Variants in PTTG1IP2 observed in about 807,000 individuals in gnomAD.
PTTG1IP2 encodes PTTG1IP family member 2.
At chr7:90,501,329 T>A (rs1337342919) in intron 6 of PTTG1IP2, among the ~76,000 whole-genome samples, 1 of 152,196 alleles carries the variant, frequency 6.6e-6, no homozygotes, top group Non-Finnish European at 1.5e-5. Context: ...TGTAGTCTAT[T>A]AAGTGTACAA....
chr7:90,509,387 G>A (rs1407310188), intron 6 of PTTG1IP2, among the ~76,000 whole-genome samples: 1 of 152,150 alleles, frequency 6.6e-6, no homozygotes, highest in African/African-American at 2.4e-5. Context: ...TGATCATTTA[G>A]AAGTAGGGAG....
Position 90,476,759 on chromosome 7 carries a change from C to T in PTTG1IP2, c.146-2469C>T, listed in dbSNP as rs182880372. Among the ~76,000 whole-genome samples the T allele has an allele frequency of 1.8e-3, 277 of 152,150 alleles. 6 individuals are homozygous for T. Among genetic ancestry groups the T allele is most frequent in the South Asian group, 0.014 (66 of 4,806 alleles). On this transcript the variant is annotated intron_variant, in intron 1 of 6. Transcript: ENST00000509356. ...TGACAAACCTTTATTCACCTAACAA[C>T]ATAGTTTTAAAATAGATGTAACAGG...
intron 6 of PTTG1IP2, among the ~76,000 whole-genome samples, chr7:90,511,972 T>C (rs1798195786): frequency 6.6e-6 from 1 of 152,246 alleles, no homozygotes; most frequent in African/African-American, 2.4e-5. Context: ...TTGCACATAA[T>C]AAACACTCAG....
chr7:90,481,712 A>G (rs1235389337), intron 2 of PTTG1IP2, among the ~76,000 whole-genome samples: 2 of 152,062 alleles, frequency 1.3e-5, no homozygotes, highest in African/African-American at 4.8e-5. Flanking sequence ...GAACATGTAC[A>G]TTTTTGAATT....
At chr7:90,475,682 C>G (rs1355863492) in intron 1 of PTTG1IP2, among the ~76,000 whole-genome samples, 1 of 152,008 alleles carries the variant, frequency 6.6e-6, no homozygotes, top group Non-Finnish European at 1.5e-5. Context: ...ATCTTTGGGC[C>G]AGGCGTGGTG....
At chr7:90,503,523 A>C (rs1370686872) in intron 6 of PTTG1IP2, among the ~76,000 whole-genome samples, 1 of 152,194 alleles carries the variant, frequency 6.6e-6, no homozygotes, top group Non-Finnish European at 1.5e-5. Flanking sequence ...TTTGATTGAA[A>C]GTGAGAGATG....
At chr7:90,493,697 G>T (rs963159412) in intron 5 of PTTG1IP2, among the ~76,000 whole-genome samples, 1 of 152,156 alleles carries the variant, frequency 6.6e-6, no homozygotes, top group Non-Finnish European at 1.5e-5. Flanking sequence ...TACATTAAAG[G>T]CTTGAGTAAG....
intron 6 of PTTG1IP2, among the ~76,000 whole-genome samples, chr7:90,510,564 T>C (rs1798176977): frequency 6.6e-6 from 1 of 152,230 alleles, no homozygotes; most frequent in South Asian, 2.1e-4. Context: ...TGTGTGTCTT[T>C]AGTTGTTTGG....
intron 4 of PTTG1IP2, among the ~76,000 whole-genome samples, chr7:90,489,255 G>A (rs1797911804): frequency 6.6e-6 from 1 of 151,454 alleles, no homozygotes; most frequent in South Asian, 2.1e-4. Flanking sequence ...TGATTTTGAT[G>A]GTTATGTTTT....
At chr7:90,499,141 T>C (rs1040457761) in intron 6 of PTTG1IP2, among the ~76,000 whole-genome samples, 84 of 152,214 alleles carry the variant, frequency 5.5e-4, no homozygotes, top group Non-Finnish European at 4.4e-5. Context: ...CATGAGCCAC[T>C]GCACATGGCC....
chr7:90,500,944 A>G (rs1798054828), intron 6 of PTTG1IP2, among the ~76,000 whole-genome samples: 1 of 152,178 alleles, frequency 6.6e-6, no homozygotes, highest in Non-Finnish European at 1.5e-5. Flanking sequence ...GGGTTTAGAA[A>G]TGTTCAATTA....
chr7:90,502,862 G>A (rs1416343886), intron 6 of PTTG1IP2, among the ~76,000 whole-genome samples: 2 of 152,162 alleles, frequency 1.3e-5, no homozygotes, highest in South Asian at 2.1e-4. Context: ...AATAGTAAGT[G>A]AGCACTGGCT....
In PTTG1IP2 at chr7:90,487,406, G is replaced by T. The variant is rs924588050; in HGVS notation, c.272G>T (p.Trp91Leu). 1.3e-5 allele frequency: 2 copies of T among 152,440 alleles called. No individual in the cohort carries two copies. The highest frequency in any genetic ancestry group is 4.8e-5 in the African/African-American group (2 of 41,388). 9.4% of individuals were successfully genotyped at this position (152,440 alleles called of 1,614,324 possible). The change falls in exon 3 of 7, where the codon TGG becomes TTG. Residue 91 changes from tryptophan to leucine, a missense_variant. Physicochemically the swap from Trp to Leu is moderately conservative, Grantham distance 61. Transcript: ENST00000509356. ...YFGCRFSSIY[W>L]LNCKVDMFGI... ...GGTTGTCGATTCAGTTCTATATATT[G>T]GTTAAACTGTAAAGGTGAGTTGTCC...
At chr7:90,477,473 C>A (rs1234063919) in intron 1 of PTTG1IP2, among the ~76,000 whole-genome samples, 1 of 152,192 alleles carries the variant, frequency 6.6e-6, no homozygotes, top group African/African-American at 2.4e-5. Context: ...TTCCTCTCTT[C>A]GCTCTTAGCC....
At chr7:90,491,482 G>T (rs772197792) in intron 4 of PTTG1IP2, among the ~76,000 whole-genome samples, 1 of 151,980 alleles carries the variant, frequency 6.6e-6, no homozygotes, top group African/African-American at 2.4e-5. Flanking sequence ...ACTTAGCTGG[G>T]CGTGGTGGCA....
Position 90,485,326 on chromosome 7 carries a change from A to T in PTTG1IP2, c.193-2001A>T, listed in dbSNP as rs538991405. 2.0e-5 allele frequency among the ~76,000 whole-genome samples: 3 copies of T among 152,318 alleles called. No homozygotes were observed. In the South Asian group the frequency reaches 6.2e-4, roughly 32 times the overall value. ...AATAATGCAACTAAATCTCAACTGC[A>T]ATTGGACTTACCCAAGGTCACTATC... On this transcript the variant is annotated intron_variant, in intron 2 of 6. Coordinates refer to ENST00000509356, the MANE Select transcript of PTTG1IP2 (RefSeq NM_001365443.2).
chr7:90,511,101 C>T (rs1798185174), intron 6 of PTTG1IP2, among the ~76,000 whole-genome samples: 1 of 151,700 alleles, frequency 6.6e-6, no homozygotes, highest in Admixed American at 6.6e-5. Context: ...AATCACTGTG[C>T]CATTGGCACC....
intron 6 of PTTG1IP2, among the ~76,000 whole-genome samples, chr7:90,504,294 C>T (rs549621344): frequency 2.0e-5 from 3 of 150,096 alleles, no homozygotes; most frequent in Non-Finnish European, 3.0e-5. Flanking sequence ...CCAGCCCGGG[C>T]GACAGAGTGA....
intron 6 of PTTG1IP2, among the ~76,000 whole-genome samples, chr7:90,510,310 A>G (rs1410904341): frequency 1.3e-5 from 2 of 152,260 alleles, no homozygotes; most frequent in Non-Finnish European, 2.9e-5. Flanking sequence ...AAAGAAAAAA[A>G]AGTGCAAATT....
Sources: gnomAD v4.1 joint callset for allele counts (sites outside exome capture counted in the v4.1 genomes callset) on GRCh38, gnomAD v4.1.1 for gene constraint, MANE v1.5 for transcripts, NCBI Gene and HGNC (gene_info 2026-07-23, HGNC 2026-07-21) for gene names.